The following RB1 variants were observed in gnomAD, a reference collection of about 807,000 sequenced individuals.
RB1 encodes retinoblastoma-associated protein.
RB1 carries 18 observed loss-of-function variants against 135.4 expected under a neutral mutation model. That is an observed-to-expected ratio of 0.13 (90% confidence interval 0.09 to 0.20). The LOEUF is 0.20. Ranked by LOEUF, RB1 falls within the 10% of genes least tolerant of loss-of-function variation. The pLI is 1.00. For synonymous variants in RB1, 365 were observed against 373.2 expected (o/e 0.98, Z 0.25); for missense variants, 868 against 1,110.0 (o/e 0.78, Z 3.10).
intron 26 of RB1, 102 bp downstream of exon 26, chr13:48,477,506 GGTTT>G (rs1408498454): frequency 2.1e-6 from 2 of 970,384 alleles, no homozygotes; most frequent in Non-Finnish European, 3.2e-6. Flanking sequence ...TCAGTTGGCA[GGTTT>G]GTTTATGCAT....
chr13:48,344,321 C>T (rs556694682), intron 3 of RB1, among the ~76,000 whole-genome samples: 11 of 152,268 alleles, frequency 7.2e-5, no homozygotes, highest in African/African-American at 2.6e-4. Flanking sequence ...TGGTGTGTAT[C>T]TCTGACAGGA....
chr13:48,313,163 G>A (rs1200773833), intron 2 of RB1, among the ~76,000 whole-genome samples: 2 of 151,778 alleles, frequency 1.3e-5, no homozygotes, highest in Non-Finnish European at 2.9e-5. Flanking sequence ...ATATTCATGC[G>A]ATCTCCCCTT....
chr13:48,380,392 T>A, intron 16 of RB1, 151 bp downstream of exon 16: 1 of 618,978 alleles, frequency 1.6e-6, no homozygotes, highest in South Asian at 2.5e-5. Flanking sequence ...AATTGGTCAT[T>A]ATAAGCCATT....
intron 6 of RB1, among the ~76,000 whole-genome samples, chr13:48,355,362 A>G (rs911341616): frequency 6.6e-6 from 1 of 152,166 alleles, no homozygotes; most frequent in African/African-American, 2.4e-5. Context: ...CAAAACTACA[A>G]TGAGGTATTT....
intron 25 of RB1, 43 bp downstream of exon 25, chr13:48,476,886 A>T (rs1390328144): frequency 1.2e-5 from 19 of 1,602,136 alleles, no homozygotes; most frequent in Non-Finnish European, 1.5e-5. Context: ...CGAGATGGTC[A>T]TCTGGGGAAT....
At chr13:48,336,893 A>G (rs974770725) in intron 2 of RB1, among the ~76,000 whole-genome samples, 16 of 151,996 alleles carry the variant, frequency 1.1e-4, no homozygotes, top group African/African-American at 3.4e-4. Flanking sequence ...CTTTGTTCTG[A>G]TTGGTTTCAA....
chr13:48,363,284 C>T (rs1952660593), intron 8 of RB1, among the ~76,000 whole-genome samples: 2 of 151,810 alleles, frequency 1.3e-5, no homozygotes, highest in African/African-American at 4.8e-5. Flanking sequence ...GGCATGGTGG[C>T]TCACACCTGT....
At position 48,456,100 on chromosome 13, in the gene RB1, A is replaced by G. The variant is rs3092898; in HGVS notation, c.1815-104A>G. ...ATTTAAATAGTCTGCTATAATACCA[A>G]TTAAATAGACAAGATGTATCTGGGT... On this transcript the variant is annotated intron_variant, in intron 18 of 26. Coordinates refer to ENST00000267163, the MANE Select transcript of RB1 (RefSeq NM_000321.3). 0.014 allele frequency: 21,634 copies of G among 1,547,288 alleles called. 896 individuals are homozygous for G. The East Asian group carries it at 0.15, about 11-fold the overall frequency.
chr13:48,362,581 A>T (rs539786896), intron 7 of RB1, among the ~76,000 whole-genome samples: 1 of 152,254 alleles, frequency 6.6e-6, no homozygotes, highest in Admixed American at 6.5e-5. Flanking sequence ...TGTTTATGAG[A>T]CTGTAGTTTA....
chr13:48,325,235 G>T (rs1433225043), intron 2 of RB1, among the ~76,000 whole-genome samples: 1 of 151,996 alleles, frequency 6.6e-6, no homozygotes, highest in African/African-American at 2.4e-5. Context: ...GCAGCATTTG[G>T]TTTTCTGTTC....
At chr13:48,407,264 C>A (rs1009381078) in intron 17 of RB1, among the ~76,000 whole-genome samples, 1 of 152,164 alleles carries the variant, frequency 6.6e-6, no homozygotes, top group Admixed American at 6.6e-5. Flanking sequence ...GGGGCTCTAT[C>A]TTTTGAATTC....
chr13:48,324,429 A>AG (rs1491374046), intron 2 of RB1, among the ~76,000 whole-genome samples: 4 of 55,802 alleles, frequency 7.2e-5, no homozygotes, highest in African/African-American at 3.4e-4. Flanking sequence ...CATGAGTTCA[A>AG]TATTTTTTTT....
chr13:48,318,540 C>A, intron 2 of RB1: 1 of 769,382 alleles, frequency 1.3e-6, no homozygotes, highest in South Asian at 1.7e-5. Flanking sequence ...TGCGCCCTCC[C>A]CTCCCGGGAC....
chr13:48,314,632 TCTA>T (rs1385075527), intron 2 of RB1, among the ~76,000 whole-genome samples: 5 of 152,230 alleles, frequency 3.3e-5, no homozygotes, highest in Admixed American at 3.3e-4. Flanking sequence ...AAACCCTGTC[TCTA>T]CTAAAAATAC....
intron 18 of RB1, among the ~76,000 whole-genome samples, chr13:48,454,941 G>A (rs1056100749): frequency 4.6e-5 from 7 of 151,462 alleles, no homozygotes; most frequent in Non-Finnish European, 8.8e-5. Flanking sequence ...GGTAGATCTT[G>A]TAGAGATCTC....
chr13:48,345,503 G>T (rs1952484493), intron 4 of RB1, among the ~76,000 whole-genome samples: 1 of 152,072 alleles, frequency 6.6e-6, no homozygotes, highest in Non-Finnish European at 1.5e-5. Flanking sequence ...TGAATAGAAT[G>T]GTGACATAAA....
chr13:48,448,567 T>C (rs1949305261), intron 17 of RB1, among the ~76,000 whole-genome samples: 5 of 152,244 alleles, frequency 3.3e-5, no homozygotes, highest in Admixed American at 3.3e-4. Flanking sequence ...GTAATGACTA[T>C]ATGATTATCA....
chr13:48,310,305 CAAG>C (rs1423446670), intron 2 of RB1, among the ~76,000 whole-genome samples: 2 of 151,954 alleles, frequency 1.3e-5, no homozygotes, highest in African/African-American at 2.4e-5. Context: ...TTCTTTGAAA[CAAG>C]AGGAGGAATA....
chr13:48,315,781 T>C (rs1484935604), intron 2 of RB1, among the ~76,000 whole-genome samples: 9 of 152,006 alleles, frequency 5.9e-5, no homozygotes, highest in Non-Finnish European at 1.3e-4. Flanking sequence ...TCCATACTTT[T>C]GCAGTTGTGA....
Sources: gnomAD v4.1 joint callset for allele counts (sites outside exome capture counted in the v4.1 genomes callset) on GRCh38, gnomAD v4.1.1 for gene constraint, MANE v1.5 for transcripts, NCBI Gene and HGNC (gene_info 2026-07-23, HGNC 2026-07-21) for gene names.